The following KCNMA1 variants were observed in gnomAD, a reference collection of about 807,000 sequenced individuals.
KCNMA1 encodes the protein Calcium-activated potassium channel subunit alpha-1.
In KCNMA1, 29 loss-of-function variants were observed where a neutral mutation model predicts 140.0. The observed-to-expected ratio is 0.21, with a 90% CI of 0.15 to 0.28. KCNMA1 has a LOEUF of 0.28. KCNMA1 is among the 10% of genes least tolerant of loss of function. The probability of loss-of-function intolerance (pLI) is 1.00; values close to 1 mark genes in which losing one functional copy is unlikely to be tolerated. For synonymous variants in KCNMA1, 612 were observed against 611.9 expected, an observed-to-expected ratio of 1.00 and a Z score of 0.00; for missense variants, 880 against 1,602.2, an observed-to-expected ratio of 0.55 and a Z score of 7.70.
At chr10:76,941,383 C>T (rs1365413602) in intron 23 of KCNMA1, among the ~76,000 whole-genome samples, 4 of 152,182 alleles carry the variant, frequency 2.6e-5, no homozygotes, top group Admixed American at 6.5e-5. Flanking sequence ...AGCAGGGAAA[C>T]TCAGCTCACA....
intron 1 of KCNMA1, among the ~76,000 whole-genome samples, chr10:77,467,186 A>G (rs1302953114): frequency 6.6e-6 from 1 of 151,918 alleles, no homozygotes; most frequent in Non-Finnish European, 1.5e-5. Flanking sequence ...TTTTAAAAAA[A>G]CTCTTACATT....
chr10:77,633,879 G>C (rs1424555038), intron 1 of KCNMA1, among the ~76,000 whole-genome samples: 1 of 152,210 alleles, frequency 6.6e-6, no homozygotes, highest in East Asian at 1.9e-4. Flanking sequence ...CCACATGCTG[G>C]AAGACGAGCA....
chr10:77,303,881 A>G (rs575696166), intron 2 of KCNMA1, among the ~76,000 whole-genome samples: 1 of 152,336 alleles, frequency 6.6e-6, no homozygotes, highest in South Asian at 2.1e-4. Context: ...CAAGACGCTC[A>G]TTGTCAGCTC....
intron 1 of KCNMA1, among the ~76,000 whole-genome samples, chr10:77,461,970 C>T (rs149125392): frequency 6.6e-6 from 1 of 152,200 alleles, no homozygotes; most frequent in African/African-American, 2.4e-5. Flanking sequence ...AGAGGCACAG[C>T]CCAAAGTACC....
chr10:77,159,544 G>C (rs2098531134), intron 5 of KCNMA1, among the ~76,000 whole-genome samples: 1 of 151,988 alleles, frequency 6.6e-6, no homozygotes, highest in Non-Finnish European at 1.5e-5. Context: ...TGTTTTCCCT[G>C]GTCTTCTGTC....
intron 5 of KCNMA1, among the ~76,000 whole-genome samples, chr10:77,124,528 G>T (rs1222822623): frequency 1.3e-5 from 2 of 151,988 alleles, no homozygotes; most frequent in African/African-American, 2.4e-5. Flanking sequence ...CTGGCTTGCA[G>T]GAGAATCATT....
intron 14 of KCNMA1, among the ~76,000 whole-genome samples, chr10:77,064,760 G>T (rs1026192907): frequency 6.6e-6 from 1 of 152,204 alleles, no homozygotes; most frequent in Non-Finnish European, 1.5e-5. Flanking sequence ...ACACAGTGAC[G>T]TTGACCCAAA....
At chr10:77,142,275 G>C (rs1014702119) in intron 5 of KCNMA1, among the ~76,000 whole-genome samples, 15 of 152,002 alleles carry the variant, frequency 9.9e-5, no homozygotes, top group South Asian at 4.2e-4. Flanking sequence ...GGAGGCTGAG[G>C]CAGGAGAATG....
At chr10:77,135,916 T>C (rs1416875180) in intron 5 of KCNMA1, among the ~76,000 whole-genome samples, 1 of 152,202 alleles carries the variant, frequency 6.6e-6, no homozygotes. Flanking sequence ...CTATAGTTAA[T>C]AACCATATAG....
chr10:77,077,222 A>G (rs1297330135), intron 13 of KCNMA1, among the ~76,000 whole-genome samples: 1 of 152,240 alleles, frequency 6.6e-6, no homozygotes, highest in Admixed American at 6.5e-5. Context: ...AGAGATATGA[A>G]AGAACAACAA....
At chr10:77,298,314 C>G (rs767024050) in intron 2 of KCNMA1, among the ~76,000 whole-genome samples, 5 of 151,288 alleles carry the variant, frequency 3.3e-5, no homozygotes, top group African/African-American at 7.3e-5. Flanking sequence ...GTGATCTCGG[C>G]TCACTGCAAC....
chr10:77,093,261 G>T (rs946533738), intron 9 of KCNMA1, among the ~76,000 whole-genome samples: 9 of 152,074 alleles, frequency 5.9e-5, no homozygotes, highest in African/African-American at 2.2e-4. Context: ...TGGTATTTTT[G>T]CTCAGAAAAA....
intron 1 of KCNMA1, among the ~76,000 whole-genome samples, chr10:77,562,101 G>T (rs1357223023): frequency 6.6e-6 from 1 of 152,186 alleles, no homozygotes; most frequent in African/African-American, 2.4e-5. Context: ...GGTACTTAGG[G>T]TGTTTGGTGG....
At chr10:77,579,962 A>G (rs1441066587) in intron 1 of KCNMA1, among the ~76,000 whole-genome samples, 2 of 152,226 alleles carry the variant, frequency 1.3e-5, no homozygotes, top group East Asian at 3.8e-4. Context: ...CTAGCAAACC[A>G]GATTAATACT....
At chr10:77,595,652 G>C (rs1603638021) in intron 1 of KCNMA1, among the ~76,000 whole-genome samples, 2 of 152,006 alleles carry the variant, frequency 1.3e-5, no homozygotes, top group Admixed American at 1.3e-4. Flanking sequence ...TAACTAGCCA[G>C]ACAGGCTAGT....
At chr10:77,161,911 C>T (rs1194902737) in intron 5 of KCNMA1, among the ~76,000 whole-genome samples, 2 of 152,206 alleles carry the variant, frequency 1.3e-5, no homozygotes, top group Non-Finnish European at 2.9e-5. Flanking sequence ...GAAATTGTGT[C>T]TTACATTTCA....
intron 14 of KCNMA1, among the ~76,000 whole-genome samples, chr10:77,054,104 G>A (rs904321843): frequency 2.6e-5 from 4 of 152,082 alleles, no homozygotes; most frequent in Non-Finnish European, 5.9e-5. Flanking sequence ...TTATAGCAGG[G>A]AAATACTATC....
chr10:77,414,822 T>C (rs1010149786), intron 1 of KCNMA1, among the ~76,000 whole-genome samples: 52 of 152,290 alleles, frequency 3.4e-4, no homozygotes, highest in Non-Finnish European at 8.8e-5. Context: ...CTCAGAGAGA[T>C]TGGGTAATTT....
intron 1 of KCNMA1, among the ~76,000 whole-genome samples, chr10:77,614,330 A>G (rs1005914811): frequency 1.3e-5 from 2 of 152,140 alleles, no homozygotes; most frequent in Non-Finnish European, 2.9e-5. Context: ...TACAGAAAGA[A>G]ATGAAGAAGA....
Sources: allele counts gnomAD v4.1 joint callset (sites outside exome capture counted in the v4.1 genomes callset), GRCh38; gene constraint gnomAD v4.1.1; transcripts MANE v1.5; gene names NCBI Gene and HGNC (gene_info 2026-07-23, HGNC 2026-07-21).